GRIK2: variants seen among roughly 807,000 people sequenced by gnomAD.
GRIK2 encodes glutamate ionotropic receptor kainate type subunit 2, also known as glutamate receptor ionotropic, kainate 2.
GRIK2 carries 32 observed loss-of-function variants against 100.3 expected under a neutral mutation model. The ratio of observed to expected loss-of-function variants is 0.32; its 90% CI spans 0.24 to 0.43. The LOEUF (loss-of-function observed/expected upper bound fraction) is 0.43, where lower values mean the gene tolerates loss of function less well. Among genes scored for constraint, GRIK2 ranks in the 20% least tolerant of loss-of-function variants. The pLI, the probability that GRIK2 is intolerant of heterozygous loss-of-function variation, is 1.00. For missense variants in GRIK2, 843 were observed against 1,114.9 expected, an observed-to-expected ratio of 0.76 and a Z score of 3.47; for synonymous variants, 417 against 389.4, an observed-to-expected ratio of 1.07 and a Z score of -0.83.
intron 10 of GRIK2, among the ~76,000 whole-genome samples, chr6:101,845,002 T>TTTG (rs141350986): frequency 0.14 from 21,824 of 150,922 alleles, 3,057 homozygotes; most frequent in East Asian, 0.64. Context: ...TCATTGTTTG[T>TTTG]TTGTTGTTGT....
intron 4 of GRIK2, among the ~76,000 whole-genome samples, chr6:101,633,758 C>A (rs901880044): frequency 6.6e-6 from 1 of 152,124 alleles, no homozygotes; most frequent in African/African-American, 2.4e-5. Context: ...CACATACACA[C>A]AAAGAGCATA....
chr6:101,639,667 C>T (rs1025902972), intron 4 of GRIK2, among the ~76,000 whole-genome samples: 12 of 152,058 alleles, frequency 7.9e-5, no homozygotes, highest in Non-Finnish European at 2.9e-5. Flanking sequence ...ATTTGCTACT[C>T]AACATTCTAT....
chr6:102,000,947 T>C (rs1459636911), intron 14 of GRIK2, among the ~76,000 whole-genome samples: 1 of 152,016 alleles, frequency 6.6e-6, no homozygotes, highest in Non-Finnish European at 1.5e-5. Context: ...TTTGTTTTTC[T>C]TTTTCTAATT....
Position 101,393,798 on chromosome 6 carries a change from C to T in GRIK2, c.-333C>T, listed in dbSNP as rs1037536665. Among the ~76,000 whole-genome samples, 4 of 152,036 alleles carry T rather than the reference C, an allele frequency of 2.6e-5. No individual in the cohort carries two copies. The highest frequency in any genetic ancestry group is 5.9e-5 in the Non-Finnish European group (4 of 67,980). ...CCTCCGGCTGCTCCTCCCCGAGGAC[C>T]ACCCCACCCCCTCCCCGCCCACCTC... On this transcript the variant is annotated 5_prime_UTR_variant, in exon 1 of 17. Coordinates refer to ENST00000369134, the MANE Select transcript of GRIK2 (RefSeq NM_021956.5).
chr6:101,434,490 T>A (rs890135837), intron 2 of GRIK2, among the ~76,000 whole-genome samples: 2 of 132,014 alleles, frequency 1.5e-5, no homozygotes, highest in South Asian at 2.7e-4. Flanking sequence ...AATTTGAATA[T>A]TTTTTTTTTT....
At chr6:102,024,965 AAAAT>A (rs1562120000) in intron 14 of GRIK2, among the ~76,000 whole-genome samples, 3 of 149,942 alleles carry the variant, frequency 2.0e-5, no homozygotes, top group African/African-American at 7.3e-5. Flanking sequence ...ATAAAAAACA[AAAAT>A]AAATAAATAT....
At chr6:101,639,745 A>C (rs1276219810) in intron 4 of GRIK2, among the ~76,000 whole-genome samples, 5 of 152,172 alleles carry the variant, frequency 3.3e-5, no homozygotes, top group African/African-American at 1.2e-4. Flanking sequence ...CTAAGCATCT[A>C]ACTTTTTCAG....
At chr6:101,817,872 T>G (rs1781729588) in intron 9 of GRIK2, among the ~76,000 whole-genome samples, 2 of 152,222 alleles carry the variant, frequency 1.3e-5, no homozygotes, top group East Asian at 1.9e-4. Flanking sequence ...ATTCTGGGCA[T>G]GGTCTTATCC....
chr6:102,006,074 G>A (rs1795204808), intron 14 of GRIK2, among the ~76,000 whole-genome samples: 1 of 151,830 alleles, frequency 6.6e-6, no homozygotes, highest in African/African-American at 2.4e-5. Context: ...CCAAATACAA[G>A]CACATTCTCA....
Position 101,767,207 on chromosome 6 carries a change from A to G in GRIK2, c.952-32441A>G, listed in dbSNP as rs138827520. 4.5e-3 allele frequency among the ~76,000 whole-genome samples: 687 copies of G among 152,306 alleles called. 6 individuals are homozygous for G. The highest frequency in any genetic ancestry group is 0.016 in the African/African-American group (664 of 41,586). On this transcript the variant is annotated intron_variant, in intron 7 of 16. Coordinates refer to ENST00000369134, the MANE Select transcript of GRIK2 (RefSeq NM_021956.5). ...GGTTTATCAGCACAATACTTTTATA[A>G]TTCTTACATATCAATCATGAGTAAA...
At chr6:101,631,656 ATTCTT>A (rs1272316903) in intron 4 of GRIK2, among the ~76,000 whole-genome samples, 2 of 152,018 alleles carry the variant, frequency 1.3e-5, no homozygotes, top group Non-Finnish European at 2.9e-5. Context: ...ATCTTCCTTG[ATTCTT>A]TTCTTTTTTT....
chr6:101,938,700 CTGTG>C (rs935109578), intron 14 of GRIK2, among the ~76,000 whole-genome samples: 1 of 151,916 alleles, frequency 6.6e-6, no homozygotes, highest in Non-Finnish European at 1.5e-5. Flanking sequence ...CTGAATGTGT[CTGTG>C]TGTGTATGTA....
intron 16 of GRIK2, among the ~76,000 whole-genome samples, chr6:102,061,194 T>A (rs1183308393): frequency 6.6e-6 from 1 of 150,632 alleles, no homozygotes; most frequent in Non-Finnish European, 1.5e-5. Flanking sequence ...CCCATACTCT[T>A]TGTATCCCCA....
intron 10 of GRIK2, among the ~76,000 whole-genome samples, chr6:101,820,102 G>A (rs955977694): frequency 1.3e-5 from 2 of 152,070 alleles, no homozygotes; most frequent in Non-Finnish European, 2.9e-5. Context: ...TTTTGTGAAT[G>A]CTCTTCCCTT....
chr6:102,067,696 T>A (rs1010123083), intron 16 of GRIK2, among the ~76,000 whole-genome samples: 8 of 151,854 alleles, frequency 5.3e-5, no homozygotes, highest in Non-Finnish European at 1.0e-4. Flanking sequence ...AAGCTAATGA[T>A]GACAAAAAAG....
chr6:101,667,890 A>G (rs1238019704), intron 4 of GRIK2, among the ~76,000 whole-genome samples: 1 of 152,154 alleles, frequency 6.6e-6, no homozygotes, highest in Non-Finnish European at 1.5e-5. Context: ...CTGGACTCAG[A>G]AAGATTCTTG....
chr6:101,398,477 A>G (rs1471857860), intron 1 of GRIK2, among the ~76,000 whole-genome samples: 1 of 152,240 alleles, frequency 6.6e-6, no homozygotes, highest in African/African-American at 2.4e-5. Context: ...TCAAAATAAA[A>G]GTATAAATAA....
intron 14 of GRIK2, among the ~76,000 whole-genome samples, chr6:102,021,045 T>A (rs1170068604): frequency 1.3e-5 from 2 of 151,772 alleles, no homozygotes; most frequent in Non-Finnish European, 2.9e-5. Context: ...GTCACAACAC[T>A]CATATGGGAA....
intron 4 of GRIK2, among the ~76,000 whole-genome samples, chr6:101,646,173 C>T (rs535603495): frequency 6.6e-6 from 1 of 152,006 alleles, no homozygotes; most frequent in South Asian, 2.1e-4. Context: ...TGGATCAGGG[C>T]ATGGCTTGTA....
Sources: allele counts gnomAD v4.1 joint callset (sites outside exome capture counted in the v4.1 genomes callset), GRCh38; gene constraint gnomAD v4.1.1; transcripts MANE v1.5; gene names NCBI Gene and HGNC (gene_info 2026-07-23, HGNC 2026-07-21).